The following ANKS1B variants were observed in gnomAD, a reference collection of about 807,000 sequenced individuals.
ANKS1B encodes the protein ankyrin repeat and sterile alpha motif domain containing 1B, also known as ankyrin repeat and sterile alpha motif domain-containing protein 1B.
In ANKS1B, 36 loss-of-function variants were observed where a neutral mutation model predicts 148.3. The ratio of observed to expected loss-of-function variants is 0.24; its 90% CI spans 0.19 to 0.32. The LOEUF (loss-of-function observed/expected upper bound fraction) is 0.32. ANKS1B is among the 10% of genes least tolerant of loss of function. The pLI, the probability that ANKS1B is intolerant of heterozygous loss-of-function variation, is 1.00. For synonymous variants in ANKS1B, 542 were observed against 560.8 expected (o/e 0.97, Z 0.47); for missense variants, 1,157 against 1,542.6 (o/e 0.75, Z 4.19).
At chr12:99,723,323 G>T (rs1294288244) in intron 8 of ANKS1B, among the ~76,000 whole-genome samples, 1 of 152,178 alleles carries the variant, frequency 6.6e-6, no homozygotes, top group Non-Finnish European at 1.5e-5. Context: ...GCTGGAGCCA[G>T]GAAGGCTTGG....
At chr12:99,256,262 GA>G (rs961251043) in intron 12 of ANKS1B, among the ~76,000 whole-genome samples, 30 of 137,432 alleles carry the variant, frequency 2.2e-4, no homozygotes, top group Admixed American at 3.6e-4. Context: ...AAAAAAAAAA[GA>G]AAAAAAAAAG....
intron 11 of ANKS1B, among the ~76,000 whole-genome samples, chr12:99,415,554 G>C (rs1346221520): frequency 6.6e-6 from 1 of 152,096 alleles, no homozygotes; most frequent in Non-Finnish European, 1.5e-5. Context: ...ATATGCCATT[G>C]TGAGAAATCA....
chr12:99,266,548 G>A (rs561726143), intron 12 of ANKS1B, among the ~76,000 whole-genome samples: 8 of 152,210 alleles, frequency 5.3e-5, no homozygotes, highest in East Asian at 3.9e-4. Flanking sequence ...TGCTCTTACC[G>A]GCTATGCTGT....
intron 9 of ANKS1B, among the ~76,000 whole-genome samples, chr12:99,520,334 C>T (rs917613578): frequency 5.9e-5 from 9 of 152,158 alleles, no homozygotes; most frequent in Non-Finnish European, 1.2e-4. Context: ...AGCATATTTT[C>T]ACCAGATATA....
At chr12:98,758,925 C>T (rs1361877008) in intron 25 of ANKS1B, among the ~76,000 whole-genome samples, 3 of 150,106 alleles carry the variant, frequency 2.0e-5, no homozygotes, top group African/African-American at 7.4e-5. Context: ...GGATTATAGG[C>T]GTGCACGCCT....
chr12:98,913,134 GTC>G (rs1274837108), intron 17 of ANKS1B, among the ~76,000 whole-genome samples: 3 of 151,416 alleles, frequency 2.0e-5, no homozygotes, highest in Non-Finnish European at 4.4e-5. Flanking sequence ...ATTTTTTTTG[GTC>G]TTTGTTTACA....
chr12:99,307,438 C>T (rs899931557), intron 12 of ANKS1B, among the ~76,000 whole-genome samples: 59 of 151,952 alleles, frequency 3.9e-4, no homozygotes, highest in African/African-American at 1.4e-3. Flanking sequence ...GAAACTCTCC[C>T]TGAATCTTGA....
intron 10 of ANKS1B, among the ~76,000 whole-genome samples, chr12:99,453,389 CCTT>C (rs1367577872): frequency 2.0e-5 from 3 of 152,172 alleles, no homozygotes; most frequent in East Asian, 3.9e-4. Flanking sequence ...TGTGTGTCCT[CCTT>C]CTCAGATCTC....
intron 12 of ANKS1B, among the ~76,000 whole-genome samples, chr12:99,323,537 G>C (rs1183540282): frequency 6.6e-6 from 1 of 152,134 alleles, no homozygotes; most frequent in Non-Finnish European, 1.5e-5. Flanking sequence ...ATATTGAAAA[G>C]AGCTCTTTCT....
intron 10 of ANKS1B, among the ~76,000 whole-genome samples, chr12:99,496,278 A>G (rs1431667095): frequency 6.6e-6 from 1 of 152,222 alleles, no homozygotes; most frequent in Non-Finnish European, 1.5e-5. Flanking sequence ...AAAGGAGACA[A>G]GAAAACATTA....
intron 12 of ANKS1B, among the ~76,000 whole-genome samples, chr12:99,387,126 G>A (rs1410854819): frequency 6.6e-6 from 1 of 151,870 alleles, no homozygotes; most frequent in African/African-American, 2.4e-5. Flanking sequence ...AACGCTAGGG[G>A]GAGTATGGAT....
intron 14 of ANKS1B, among the ~76,000 whole-genome samples, chr12:99,180,433 T>G (rs2078969945): frequency 6.6e-6 from 1 of 152,184 alleles, no homozygotes; most frequent in Non-Finnish European, 1.5e-5. Flanking sequence ...ATCAGACATG[T>G]AATTTTTGCT....
At chr12:99,115,976 C>T in intron 15 of ANKS1B, among the ~76,000 whole-genome samples, 1 of 151,612 alleles carries the variant, frequency 6.6e-6, no homozygotes, top group East Asian at 1.9e-4. Flanking sequence ...GCTGGATTGC[C>T]TGTGTGGAAT....
At chr12:99,192,725 A>G (rs2080896821) in intron 14 of ANKS1B, among the ~76,000 whole-genome samples, 2 of 152,114 alleles carry the variant, frequency 1.3e-5, no homozygotes, top group African/African-American at 4.8e-5. Flanking sequence ...CTGTTATAAT[A>G]TAACACTGCA....
intron 12 of ANKS1B, among the ~76,000 whole-genome samples, chr12:99,309,151 C>A (rs2082785656): frequency 6.6e-6 from 1 of 151,694 alleles, no homozygotes; most frequent in Non-Finnish European, 1.5e-5. Context: ...TCCTTTTCAA[C>A]CATTATGCCT....
At chr12:99,088,325 C>T (rs1466032303) in intron 15 of ANKS1B, among the ~76,000 whole-genome samples, 1 of 152,146 alleles carries the variant, frequency 6.6e-6, no homozygotes, top group African/African-American at 2.4e-5. Context: ...GCAAACTTGG[C>T]TAAGTCATAC....
chr12:99,946,529 C>T (rs1408382674), intron 1 of ANKS1B, among the ~76,000 whole-genome samples: 1 of 152,142 alleles, frequency 6.6e-6, no homozygotes, highest in Non-Finnish European at 1.5e-5. Context: ...ATGACCTCAT[C>T]TAAACCTAAT....
chr12:99,437,292 T>C (rs1432130362), intron 11 of ANKS1B, among the ~76,000 whole-genome samples: 1 of 151,966 alleles, frequency 6.6e-6, no homozygotes, highest in Non-Finnish European at 1.5e-5. Flanking sequence ...GACCTAATCC[T>C]CTCCTAAAGG....
chr12:98,745,113 A>G lies in ANKS1B; in HGVS notation c.*626T>C, dbSNP rs1322362036. On this transcript the variant is annotated 3_prime_UTR_variant, in exon 27 of 27. Transcript: ENST00000683438. ...TGCTTTGAATCATTCTTTCCTTTTG[A>G]ACCAATCATTTGGTTGAAAGGTTTT... 1 of 985,738 alleles carries G rather than the reference A, an allele frequency of 1.0e-6. No individual in the cohort carries two copies. Among genetic ancestry groups the G allele is most frequent in the African/African-American group, 1.7e-5 (1 of 57,242 alleles). 61.1% of individuals were successfully genotyped at this position (985,738 alleles called of 1,614,324 possible).
Sources: gnomAD v4.1 joint callset for allele counts (sites outside exome capture counted in the v4.1 genomes callset) on GRCh38, gnomAD v4.1.1 for gene constraint, MANE v1.5 for transcripts, NCBI Gene and HGNC (gene_info 2026-07-23, HGNC 2026-07-21) for gene names.